GNAZ: variants seen among roughly 807,000 people sequenced by gnomAD.
The protein encoded by GNAZ is guanine nucleotide-binding protein G(z) subunit alpha.
Under a neutral mutation model 25.4 loss-of-function variants are expected in GNAZ, and 3 were observed. The ratio of observed to expected loss-of-function variants is 0.12; its 90% CI spans 0.05 to 0.30. The LOEUF is 0.30. Among genes scored for constraint, GNAZ ranks in the 10% least tolerant of loss-of-function variants. The probability of loss-of-function intolerance (pLI) is 1.00; values close to 1 mark genes in which losing one functional copy is unlikely to be tolerated. For synonymous variants in GNAZ, 211 were observed against 205.7 expected (o/e 1.03, Z -0.22); for missense variants, 241 against 501.8 (o/e 0.48, Z 4.97).
intron 2 of GNAZ, among the ~76,000 whole-genome samples, chr22:23,118,599 C>T (rs2069920433): frequency 6.6e-6 from 1 of 152,206 alleles, no homozygotes; most frequent in African/African-American, 2.4e-5. Context: ...GGGGAGTCAG[C>T]CCCTCTTGAG....
chr22:23,124,350 G>A lies in GNAZ; in HGVS notation c.*919G>A. The A allele has an allele frequency of 2.3e-6, 1 of 433,300 alleles. No homozygotes were observed. Among genetic ancestry groups the A allele is most frequent in the Non-Finnish European group, 4.9e-6 (1 of 204,778 alleles). 26.8% of individuals were successfully genotyped at this position (433,300 alleles called of 1,614,324 possible). On this transcript the variant is annotated 3_prime_UTR_variant, in exon 3 of 3. Coordinates refer to ENST00000615612, the MANE Select transcript of GNAZ (RefSeq NM_002073.4). ...TTTTCAGGTGGTCTTTTTTGTGTCT[G>A]GCTTGCTGAGTGTAAAAGTTGTTAT...
intron 1 of GNAZ, among the ~76,000 whole-genome samples, chr22:23,084,914 C>T (rs2068777171): frequency 6.6e-6 from 1 of 152,218 alleles, no homozygotes. Context: ...GTCCAGGTGA[C>T]ATCGCACGTC....
At chr22:23,106,117 A>T (rs543937757) in intron 2 of GNAZ, among the ~76,000 whole-genome samples, 16 of 152,332 alleles carry the variant, frequency 1.1e-4, no homozygotes, top group Admixed American at 8.5e-4. Flanking sequence ...CTCCCGCCAC[A>T]TATCACACTT....
rs546297977 is a variant in GNAZ at position 23,098,625 on chromosome 22, G to A, written c.723+2207G>A. Among the ~76,000 whole-genome samples, 4 of 152,378 alleles carry A rather than the reference G, an allele frequency of 2.6e-5. No individual in the cohort carries two copies. The South Asian group carries it at 8.3e-4, about 32-fold the overall frequency. On this transcript the variant is annotated intron_variant, in intron 2 of 2. Transcript: ENST00000615612. ...TGGTTTCTGCAGGCCTGGGGAAGTG[G>A]TTGTTCACCAGAAAAGGAAATTCTT...
intron 2 of GNAZ, among the ~76,000 whole-genome samples, chr22:23,117,713 C>T (rs572317321): frequency 6.6e-6 from 1 of 152,248 alleles, no homozygotes; most frequent in Non-Finnish European, 1.5e-5. Flanking sequence ...ACAGTCCCAG[C>T]ATTGTACAGA....
intron 1 of GNAZ, among the ~76,000 whole-genome samples, chr22:23,084,480 A>G (rs2068763557): frequency 6.6e-6 from 1 of 152,208 alleles, no homozygotes; most frequent in Non-Finnish European, 1.5e-5. Context: ...TTATCAGGAC[A>G]TAACCCCATC....
At chr22:23,097,082 G>A (rs748158788) in intron 2 of GNAZ, among the ~76,000 whole-genome samples, 8 of 152,186 alleles carry the variant, frequency 5.3e-5, no homozygotes, top group South Asian at 4.1e-4. Context: ...GGTGGAGGCC[G>A]TGGCAGGCAA....
chr22:23,122,591 A>C, intron 2 of GNAZ: 1 of 161,130 alleles, frequency 6.2e-6, no homozygotes, highest in East Asian at 1.7e-4. Context: ...GAAGGATCAG[A>C]GTTTTGAAGG....
Position 23,095,752 on chromosome 22 carries a change from T to C in GNAZ, c.57T>C (p.Ile19=). 2 of 1,612,634 alleles carry C rather than the reference T, an allele frequency of 1.2e-6. No individual in the cohort carries two copies. The highest frequency in any genetic ancestry group is 1.6e-4 in the Middle Eastern group (1 of 6,062). The change falls in exon 2 of 3, where the codon ATT becomes ATC. Residue 19 remains isoleucine (I), a synonymous_variant. Transcript: ENST00000615612. ...EKEAARRSRR[I]DRHLRSESQR... ...AAGCAGCCCGGCGGTCCCGGAGAAT[T>C]GACCGCCACCTGCGCTCAGAGAGCC...
chr22:23,123,446 G>A lies in GNAZ; in HGVS notation c.*15G>A. On this transcript the variant is annotated 3_prime_UTR_variant, in exon 3 of 3. Coordinates refer to ENST00000615612, the MANE Select transcript of GNAZ (RefSeq NM_002073.4). ...GCCTTTGCTGAGGAGCTGGGCCCGG[G>A]GCCCGCCTGCCTATGGTGAAACCCA... 6.4e-7 allele frequency: 1 copy of A among 1,565,046 alleles called. No individual in the cohort carries two copies. The highest frequency in any genetic ancestry group is 1.1e-5 in the South Asian group (1 of 89,316).
intron 2 of GNAZ, among the ~76,000 whole-genome samples, chr22:23,113,209 C>T (rs574180017): frequency 6.6e-6 from 1 of 152,350 alleles, no homozygotes; most frequent in African/African-American, 2.4e-5. Context: ...TAAACTGCAT[C>T]TTTACAACAG....
chr22:23,116,135 C>A (rs1290173259), intron 2 of GNAZ, among the ~76,000 whole-genome samples: 2 of 152,262 alleles, frequency 1.3e-5, no homozygotes, highest in East Asian at 3.8e-4. Context: ...CTGGGTAAGC[C>A]TTGCTTCGTG....
chr22:23,119,516 T>C (rs1730189386), intron 2 of GNAZ, among the ~76,000 whole-genome samples: 1 of 152,216 alleles, frequency 6.6e-6, no homozygotes, highest in Admixed American at 6.5e-5. Flanking sequence ...CACTTGCTGG[T>C]CCATCAGCAC....
At chr22:23,091,187 G>C (rs918119452) in intron 1 of GNAZ, among the ~76,000 whole-genome samples, 6 of 152,184 alleles carry the variant, frequency 3.9e-5, no homozygotes, top group Admixed American at 1.3e-4. Flanking sequence ...CCTGCTCACA[G>C]ACATGTACAT....
At chr22:23,111,375 G>A (rs993230537) in intron 2 of GNAZ, among the ~76,000 whole-genome samples, 1 of 152,216 alleles carries the variant, frequency 6.6e-6, no homozygotes, top group East Asian at 1.9e-4. Context: ...CACTGGACTC[G>A]GTTCCGCCTA....
In GNAZ at chr22:23,096,110, G is replaced by A. The variant is rs775094245; in HGVS notation, c.415G>A (p.Ala139Thr). 1 of 1,611,086 alleles carries A rather than the reference G, an allele frequency of 6.2e-7. No homozygotes were observed. Among genetic ancestry groups the A allele is most frequent in the South Asian group, 1.1e-5 (1 of 91,088 alleles). The change falls in exon 2 of 3, where the codon GCC (alanine) becomes ACC (threonine). Residue 139 changes from alanine (A) to threonine (T), a missense_variant. Coordinates refer to ENST00000615612, the MANE Select transcript of GNAZ (RefSeq NM_002073.4). ...GCTCTGGGCCGACCCAGGGGCACAGGCCTGCTTCAGCCGCTCCAGCGAGTA... is the reference window on the plus strand; with the variant it reads ...GCTCTGGGCCGACCCAGGGGCACAGACCTGCTTCAGCCGCTCCAGCGAGTA... ...RRLWADPGAQACFSRSSEYHL... is the reference protein window; with the variant it reads ...RRLWADPGAQTCFSRSSEYHL...
intron 2 of GNAZ, among the ~76,000 whole-genome samples, chr22:23,097,769 T>C (rs2069170087): frequency 6.6e-6 from 1 of 152,238 alleles, no homozygotes; most frequent in South Asian, 2.1e-4. Context: ...GGCAGAGCGC[T>C]TGGGGCTGAG....
At chr22:23,072,008 C>T (rs1009562315) in intron 1 of GNAZ, among the ~76,000 whole-genome samples, 10 of 152,246 alleles carry the variant, frequency 6.6e-5, no homozygotes, top group African/African-American at 2.4e-4. Context: ...GTGGAGACCA[C>T]GGCTTCCTCA....
chr22:23,121,985 C>G (rs1331934117), intron 2 of GNAZ, among the ~76,000 whole-genome samples: 1 of 152,150 alleles, frequency 6.6e-6, no homozygotes, highest in African/African-American at 2.4e-5. Context: ...CCTGCCTCAG[C>G]CTCCTAAAGT....
Sources: gnomAD v4.1 joint callset for allele counts (sites outside exome capture counted in the v4.1 genomes callset) on GRCh38, gnomAD v4.1.1 for gene constraint, MANE v1.5 for transcripts, NCBI Gene and HGNC (gene_info 2026-07-23, HGNC 2026-07-21) for gene names.